ALKBH5: variants seen among roughly 807,000 people sequenced by gnomAD.
ALKBH5 encodes the protein RNA demethylase ALKBH5.
A neutral mutation model predicts 32.1 loss-of-function variants in ALKBH5; 2 were observed. The observed-to-expected ratio is 0.06, with a 90% CI of 0.03 to 0.20. The LOEUF is 0.20. ALKBH5 is among the 10% of genes least tolerant of loss of function. The pLI, the probability that ALKBH5 is intolerant of heterozygous loss-of-function variation, is 1.00. For missense variants in ALKBH5, 352 were observed against 559.5 expected, an observed-to-expected ratio of 0.63 and a Z score of 3.74; for synonymous variants, 300 against 231.7, an observed-to-expected ratio of 1.29 and a Z score of -2.68.
At chr17:18,189,453 G>C (rs777770979) in intron 1 of ALKBH5, among the ~76,000 whole-genome samples, 50 of 152,362 alleles carry the variant, frequency 3.3e-4, no homozygotes, top group Non-Finnish European at 6.0e-4. Context: ...CACTGATACA[G>C]TGCTAGCTCT....
chr17:18,208,582 T>A lies in ALKBH5; in HGVS notation c.*186T>A. 1.4e-6 allele frequency: 1 copy of A among 733,826 alleles called. No individual in the cohort carries two copies. The highest frequency in any genetic ancestry group is 2.3e-6 in the Non-Finnish European group (1 of 426,062). 45.5% of individuals were successfully genotyped at this position (733,826 alleles called of 1,614,324 possible). On this transcript the variant is annotated 3_prime_UTR_variant, in exon 4 of 4. Coordinates refer to ENST00000399138, the MANE Select transcript of ALKBH5 (RefSeq NM_017758.4). ...CTGAAGAATAGAATTGGCCAGGACC[T>A]AGGTTCTCATATTCTTGGTATTCCT...
At chr17:18,201,902 C>T (rs1292569004) in intron 2 of ALKBH5, among the ~76,000 whole-genome samples, 1 of 152,014 alleles carries the variant, frequency 6.6e-6, no homozygotes, top group Non-Finnish European at 1.5e-5. Context: ...ATAGTCCGAG[C>T]TACTCGCGAG....
intron 1 of ALKBH5, among the ~76,000 whole-genome samples, chr17:18,189,648 C>G (rs369681312): frequency 6.6e-6 from 1 of 152,346 alleles, no homozygotes; most frequent in East Asian, 1.9e-4. Flanking sequence ...GTTGGAGTTA[C>G]AGCACCACCA....
At chr17:18,188,624 C>T (rs1415103084) in intron 1 of ALKBH5, among the ~76,000 whole-genome samples, 1 of 152,210 alleles carries the variant, frequency 6.6e-6, no homozygotes, top group Non-Finnish European at 1.5e-5. Flanking sequence ...GGCTGTGCAC[C>T]GTCAGGAGGA....
chr17:18,187,003 C>T (rs2047143534), intron 1 of ALKBH5, among the ~76,000 whole-genome samples: 1 of 152,106 alleles, frequency 6.6e-6, no homozygotes, highest in East Asian at 1.9e-4. Context: ...CTTTCATATA[C>T]AACCACTCAG....
At chr17:18,196,290 T>A (rs1018100272) in intron 2 of ALKBH5, among the ~76,000 whole-genome samples, 5 of 151,632 alleles carry the variant, frequency 3.3e-5, no homozygotes, top group African/African-American at 1.2e-4. Context: ...TGGCACCATC[T>A]CGGCTCACTG....
rs1465582512 is a variant in ALKBH5, at chr17:18,184,252, C to A, written c.9C>A (p.Ala3=). The change falls in exon 1 of 4, where the codon GCC becomes GCA. Residue 3 remains alanine (A), a synonymous_variant. Transcript: ENST00000399138. The part of the protein sequence containing the change: MA[A]ASGYTDLREK... ...GCAGCGTCGTGGGGGCCATGGCGGC[C>A]GCCAGCGGCTACACGGACCTGCGTG... 2.0e-6 allele frequency: 3 copies of A among 1,516,798 alleles called. No individual in the cohort carries two copies. The highest frequency in any genetic ancestry group is 2.2e-5 in the Admixed American group (1 of 46,356). 94.0% of individuals were successfully genotyped at this position (1,516,798 alleles called of 1,614,324 possible). A position where few individuals can be genotyped will look rare whatever the true frequency, so the allele number is the denominator to read the frequency against.
intron 1 of ALKBH5, 126 bp downstream of exon 1, chr17:18,185,139 A>G: frequency 6.9e-7 from 1 of 1,457,844 alleles, no homozygotes; most frequent in African/African-American, 1.4e-5. Flanking sequence ...CTGTTTGTAG[A>G]TTGTAGGGAG....
At position 18,208,676 on chromosome 17, in the gene ALKBH5, T is replaced by G. The variant is rs1597844410; in HGVS notation, c.*280T>G. On this transcript the variant is annotated 3_prime_UTR_variant, in exon 4 of 4. Coordinates refer to ENST00000399138, the MANE Select transcript of ALKBH5 (RefSeq NM_017758.4). ...ATGCTGGAGTGGCCAGTAGAGGTGG[T>G]GGAGCAGAGCAGCCATCTTTTAAGT... The G allele has an allele frequency of 1.8e-6, 1 of 551,894 alleles. No homozygotes were observed. Among genetic ancestry groups the G allele is most frequent in the Non-Finnish European group, 3.3e-6 (1 of 304,588 alleles). 34.2% of individuals were successfully genotyped at this position (551,894 alleles called of 1,614,324 possible). A position where few individuals can be genotyped will look rare whatever the true frequency, so the allele number is the denominator to read the frequency against.
rs1014963993 is a variant in ALKBH5, at chr17:18,184,374, C to T, written c.131C>T (p.Ala44Val). 15 of 1,517,818 alleles carry T rather than the reference C, an allele frequency of 9.9e-6. No individual in the cohort carries two copies. Among genetic ancestry groups the T allele is most frequent in the African/African-American group, 1.4e-5 (1 of 70,086 alleles). 94.0% of individuals were successfully genotyped at this position (1,517,818 alleles called of 1,614,324 possible). A position where few individuals can be genotyped will look rare whatever the true frequency, so the allele number is the denominator to read the frequency against. Reference sequence around the variant, plus strand: ...GCCGCCGTAGCCGCCGCAGCCGCAGCCGCCGCTGCCGCCGAACCTTACCCT... The same window carrying T: ...GCCGCCGTAGCCGCCGCAGCCGCAGTCGCCGCTGCCGCCGAACCTTACCCT... ...AAAAVAAAAA[A>V]AAAAEPYPVS... Residue 44 changes from alanine to valine, a missense_variant, in exon 1 of 4, where the codon GCC (alanine) becomes GTC (valine). Ala to Val is a moderately conservative substitution (Grantham distance 64). This residue lies in a region of ALKBH5 where 144 missense variants were observed against 125.8 expected (regional missense o/e 1.14). Transcript: ENST00000399138.
At chr17:18,190,979 A>G (rs757431041) in intron 1 of ALKBH5, among the ~76,000 whole-genome samples, 2 of 152,194 alleles carry the variant, frequency 1.3e-5, no homozygotes, top group Non-Finnish European at 1.5e-5. Context: ...CAGCCCAGAG[A>G]GGGAGCAGGC....
intron 2 of ALKBH5, among the ~76,000 whole-genome samples, chr17:18,199,871 G>A (rs1430687198): frequency 1.3e-5 from 2 of 152,070 alleles, no homozygotes; most frequent in Admixed American, 6.6e-5. Flanking sequence ...TCAGGAGGGC[G>A]AGGCAGTTGG....
intron 2 of ALKBH5, 79 bp from the exon 3 acceptor site, chr17:18,206,736 C>G (rs1341095539): frequency 1.3e-6 from 2 of 1,536,472 alleles, no homozygotes; most frequent in Non-Finnish European, 1.8e-6. Context: ...CCCACTTGGC[C>G]TGGCCAGAGA....
In ALKBH5 at chr17:18,184,403, T is replaced by C. The variant is rs1444613519; in HGVS notation, c.160T>C (p.Ser54Pro). 20 of 1,567,426 alleles carry C rather than the reference T, an allele frequency of 1.3e-5. No homozygotes were observed. Among genetic ancestry groups the C allele is most frequent in the Non-Finnish European group, 1.6e-5 (19 of 1,157,040 alleles). The stretch of plus-strand genomic sequence containing the variant: ...CGCTGCCGCCGAACCTTACCCTGTG[T>C]CCGGGGCCAAGCGCAAGTATCAGGA... ...AAAAAEPYPV[S>P]GAKRKYQEDS... Residue 54 changes from serine (S) to proline (P), a missense_variant, in exon 1 of 4, where the codon TCC (serine) becomes CCC (proline). By Grantham distance (74) the Ser-to-Pro change is moderately conservative. This residue lies in a region of ALKBH5 where 144 missense variants were observed against 125.8 expected (regional missense o/e 1.14). Coordinates refer to ENST00000399138, the MANE Select transcript of ALKBH5 (RefSeq NM_017758.4).
intron 1 of ALKBH5, among the ~76,000 whole-genome samples, chr17:18,187,949 T>C (rs2047149640): frequency 6.6e-6 from 1 of 152,192 alleles, no homozygotes; most frequent in African/African-American, 2.4e-5. Context: ...TTATATTTAA[T>C]AGTGATCAGC....
chr17:18,194,048 A>G (rs148199594), intron 1 of ALKBH5, among the ~76,000 whole-genome samples: 69 of 150,620 alleles, frequency 4.6e-4, no homozygotes, highest in African/African-American at 1.7e-3. Context: ...GAGGACAGTC[A>G]TCTACCCACA....
At chr17:18,198,107 G>A (rs930390534) in intron 2 of ALKBH5, among the ~76,000 whole-genome samples, 1 of 152,148 alleles carries the variant, frequency 6.6e-6, no homozygotes, top group African/African-American at 2.4e-5. Context: ...AGATAACCTA[G>A]TCATTCTTCA....
At chr17:18,185,828 T>G (rs891099277) in intron 1 of ALKBH5, among the ~76,000 whole-genome samples, 1 of 152,240 alleles carries the variant, frequency 6.6e-6, no homozygotes, top group South Asian at 2.1e-4. Flanking sequence ...CTTTGCTGTT[T>G]ATGTGAAGTG....
intron 1 of ALKBH5, among the ~76,000 whole-genome samples, chr17:18,189,100 G>C (rs539687522): frequency 6.6e-6 from 1 of 151,622 alleles, no homozygotes; most frequent in Non-Finnish European, 1.5e-5. Flanking sequence ...TTTCAAGGCC[G>C]GGCGCGGTGG....
Sources: gnomAD v4.1 joint callset for allele counts (sites outside exome capture counted in the v4.1 genomes callset) on GRCh38, gnomAD v4.1.1 for gene constraint, gnomAD v4.1.1 regional missense constraint, MANE v1.5 for transcripts, NCBI Gene and HGNC (gene_info 2026-07-23, HGNC 2026-07-21) for gene names.